Variants in OR51B5 observed in about 807,000 individuals in gnomAD.
The protein encoded by OR51B5 is olfactory receptor 51B5.
For synonymous variants in OR51B5, 186 were observed against 144.8 expected, an observed-to-expected ratio of 1.28 and a Z score of -2.04; for missense variants, 456 against 374.6, an observed-to-expected ratio of 1.22 and a Z score of -1.79.
chr11:5,357,369 G>C (rs1849210280), intron 1 of OR51B5, among the ~76,000 whole-genome samples: 1 of 150,614 alleles, frequency 6.6e-6, no homozygotes, highest in South Asian at 2.1e-4. Context: ...AAGATCAAAA[G>C]AGACAAAGAA....
intron 1 of OR51B5, chr11:5,488,659 C>A: frequency 8.2e-7 from 1 of 1,217,274 alleles, no homozygotes; most frequent in Non-Finnish European, 1.2e-6. Context: ...TGTTACAGGG[C>A]AAGCATAACA....
chr11:5,416,143 G>A (rs1242381056), intron 1 of OR51B5, among the ~76,000 whole-genome samples: 237 of 149,188 alleles, frequency 1.6e-3, no homozygotes, highest in African/African-American at 5.3e-3. Flanking sequence ...AATAAATGTA[G>A]TCCAGCATAT....
chr11:5,454,404 A>G (rs2133788324), intron 1 of OR51B5: 8 of 1,605,988 alleles, frequency 5.0e-6, no homozygotes, highest in African/African-American at 1.4e-5. Context: ...CATTTTCCGC[A>G]TGTTTCACCA....
At chr11:5,351,743 T>C (rs779749567) in intron 1 of OR51B5, 2 of 1,613,818 alleles carry the variant, frequency 1.2e-6, no homozygotes, top group Non-Finnish European at 1.7e-6. Context: ...ATGCCCACAG[T>C]GCTAGGTGTT....
intron 1 of OR51B5, among the ~76,000 whole-genome samples, chr11:5,416,290 G>A (rs1280467822): frequency 2.1e-5 from 3 of 145,866 alleles, no homozygotes; most frequent in East Asian, 4.1e-4. Context: ...AATAATAAGA[G>A]CTATCTATGA....
intron 1 of OR51B5, among the ~76,000 whole-genome samples, chr11:5,414,681 A>C (rs906253103): frequency 6.6e-6 from 1 of 152,202 alleles, no homozygotes; most frequent in African/African-American, 2.4e-5. Flanking sequence ...CAAAAGAGAC[A>C]AGGCCAATAC....
At chr11:5,389,951 G>T in intron 1 of OR51B5, 1 of 1,611,320 alleles carries the variant, frequency 6.2e-7, no homozygotes, top group Non-Finnish European at 8.5e-7. Flanking sequence ...TGGATCTGTG[G>T]TCCTCTCCCA....
chr11:5,423,009 C>G (rs752952318), intron 1 of OR51B5: 14 of 1,614,012 alleles, frequency 8.7e-6, no homozygotes, highest in Admixed American at 3.3e-5. Context: ...GCCAAGCATG[C>G]CTCTCCACTG....
At chr11:5,390,473 A>AT in intron 1 of OR51B5, 1 of 1,126,438 alleles carries the variant, frequency 8.9e-7, no homozygotes, top group Non-Finnish European at 1.2e-6. Flanking sequence ...GCTCTTAAAG[A>AT]TTTTTTGCCC....
At chr11:5,415,603 G>C (rs577989035) in intron 1 of OR51B5, among the ~76,000 whole-genome samples, 3 of 152,052 alleles carry the variant, frequency 2.0e-5, no homozygotes, top group African/African-American at 7.2e-5. Flanking sequence ...TATCACCACC[G>C]ATCCCACAGA....
chr11:5,485,362 G>C (rs940882178), intron 1 of OR51B5, among the ~76,000 whole-genome samples: 4 of 152,174 alleles, frequency 2.6e-5, no homozygotes, highest in African/African-American at 9.7e-5. Context: ...TCTAGAAATA[G>C]ATGTATCTTT....
At chr11:5,425,984 G>A (rs1357635845) in intron 1 of OR51B5, among the ~76,000 whole-genome samples, 1 of 152,150 alleles carries the variant, frequency 6.6e-6, no homozygotes, top group Non-Finnish European at 1.5e-5. Flanking sequence ...TAAACAAATG[G>A]ATGATCAAAT....
intron 1 of OR51B5, among the ~76,000 whole-genome samples, chr11:5,370,046 T>C (rs1250608455): frequency 1.3e-5 from 2 of 152,150 alleles, no homozygotes; most frequent in Non-Finnish European, 2.9e-5. Context: ...GGAGAGTCAG[T>C]GTTCCACAAA....
At chr11:5,423,304 A>T (rs1850386893) in intron 1 of OR51B5, 1 of 931,206 alleles carries the variant, frequency 1.1e-6, no homozygotes, top group Admixed American at 3.0e-5. Context: ...TTTTTGGCTG[A>T]GGTGAGCTAG....
At chr11:5,468,387 C>A in intron 1 of OR51B5, 1 of 285,042 alleles carries the variant, frequency 3.5e-6, no homozygotes, top group Non-Finnish European at 6.9e-6. Flanking sequence ...AGGTGTACGT[C>A]TGGAGGGAGA....
At chr11:5,407,676 G>GT (rs34005828) in intron 1 of OR51B5, among the ~76,000 whole-genome samples, 372 of 145,808 alleles carry the variant, frequency 2.6e-3, no homozygotes, top group African/African-American at 8.2e-3. Flanking sequence ...TCTTCCATCA[G>GT]TTTTTTTTTT....
At chr11:5,392,317 A>G (rs2340323) in intron 1 of OR51B5, 19,369 of 152,224 alleles carry the variant, frequency 0.13, 1,354 homozygotes, top group Non-Finnish European at 0.16. Flanking sequence ...AGTAGGCCAC[A>G]TTACTCAATA....
At chr11:5,483,679 C>G (rs975503159) in intron 1 of OR51B5, among the ~76,000 whole-genome samples, 3 of 149,460 alleles carry the variant, frequency 2.0e-5, no homozygotes, top group Non-Finnish European at 4.4e-5. Flanking sequence ...ATTTCCCTTG[C>G]TCATTTTTTT....
At chr11:5,397,629 G>T (rs1398947289) in intron 1 of OR51B5, among the ~76,000 whole-genome samples, 1 of 151,582 alleles carries the variant, frequency 6.6e-6, no homozygotes, top group African/African-American at 2.4e-5. Flanking sequence ...CAAACATTGT[G>T]GAAGTCAGTG....
Sources: gnomAD v4.1 joint callset for allele counts (sites outside exome capture counted in the v4.1 genomes callset) on GRCh38, gnomAD v4.1.1 for gene constraint, MANE v1.5 for transcripts, NCBI Gene and HGNC (gene_info 2026-07-23, HGNC 2026-07-21) for gene names.